MACC1: variants seen among roughly 807,000 people sequenced by gnomAD.
The protein encoded by MACC1 is metastasis-associated in colon cancer protein 1.
A neutral mutation model predicts 70.7 loss-of-function variants in MACC1; 79 were observed. The ratio of observed to expected loss-of-function variants is 1.12; its 90% CI spans 0.93 to 1.35. The LOEUF is 1.35. Ranked by LOEUF, MACC1 falls within the 40% of genes most tolerant of loss-of-function variation. The pLI is 0.00. For synonymous variants in MACC1, 361 were observed against 347.2 expected, an observed-to-expected ratio of 1.04 and a Z score of -0.44; for missense variants, 1,106 against 978.1, an observed-to-expected ratio of 1.13 and a Z score of -1.74.
intron 5 of MACC1, among the ~76,000 whole-genome samples, chr7:20,155,793 C>A (rs1782046481): frequency 6.6e-6 from 1 of 152,100 alleles, no homozygotes; most frequent in African/African-American, 2.4e-5. Context: ...CAGTGAGAAA[C>A]AATACTGAGC....
At chr7:20,188,418 T>C (rs1782622029) in intron 1 of MACC1, among the ~76,000 whole-genome samples, 1 of 152,218 alleles carries the variant, frequency 6.6e-6, no homozygotes, top group Admixed American at 6.5e-5. Flanking sequence ...TCAAAGAAGT[T>C]GTAAAAACTC....
chr7:20,166,038 G>C (rs999076242), intron 2 of MACC1, among the ~76,000 whole-genome samples: 4 of 152,156 alleles, frequency 2.6e-5, no homozygotes, highest in African/African-American at 4.8e-5. Context: ...ACACTTAAAA[G>C]AATTATTTCT....
At chr7:20,191,296 G>T (rs1342323320) in intron 1 of MACC1, among the ~76,000 whole-genome samples, 1 of 152,222 alleles carries the variant, frequency 6.6e-6, no homozygotes, top group Non-Finnish European at 1.5e-5. Flanking sequence ...GAACCCATGG[G>T]CCTACTTGCA....
intron 1 of MACC1, among the ~76,000 whole-genome samples, chr7:20,212,087 A>G (rs555320949): frequency 6.6e-6 from 1 of 152,236 alleles, no homozygotes; most frequent in African/African-American, 2.4e-5. Context: ...CACTGCAGTG[A>G]TATCGACAAA....
intron 1 of MACC1, among the ~76,000 whole-genome samples, chr7:20,213,617 T>G (rs917766589): frequency 6.6e-6 from 1 of 152,096 alleles, no homozygotes; most frequent in Non-Finnish European, 1.5e-5. Context: ...AGATCATGTA[T>G]TTTGCAGGGA....
intron 1 of MACC1, among the ~76,000 whole-genome samples, chr7:20,191,885 C>A (rs142583147): frequency 6.6e-6 from 1 of 152,230 alleles, no homozygotes; most frequent in African/African-American, 2.4e-5. Context: ...GTCTTCAATG[C>A]CAGTTTTTCT....
At position 20,156,983 on chromosome 7, in the gene MACC1, TAC is replaced by T. The variant is rs1027154068; in HGVS notation, c.2157+1219_2157+1220del. Among the ~76,000 whole-genome samples, 45 of 152,192 alleles carry T rather than the reference TAC, an allele frequency of 3.0e-4. 2 individuals are homozygous for T. The highest frequency in any genetic ancestry group is 7.2e-5 in the African/African-American group (3 of 41,450). On this transcript the variant is annotated intron_variant, in intron 5 of 6. Transcript: ENST00000400331. ...CACAGTACTTATACAAACATTTTTATACACACACACATTACTTTGTTTCATGA... is the reference window on the plus strand; with the variant it reads ...CACAGTACTTATACAAACATTTTTATACACACACATTACTTTGTTTCATGA...
At position 20,158,496 on chromosome 7, in the gene MACC1, A is replaced by G. The variant is rs1782087912; in HGVS notation, c.1865T>C (p.Val622Ala). 2 of 1,613,970 alleles carry G rather than the reference A, an allele frequency of 1.2e-6. No individual in the cohort carries two copies. The highest frequency in any genetic ancestry group is 1.3e-5 in the African/African-American group (1 of 74,922). ...KNVKVISKEQ[V>A]MFMSDSVFTT... ...AAAGACACTATCTGACATAAACATTACTTGCTCCTTTGAAATCACCTTGAC... is the reference window on the plus strand; with the variant it reads ...AAAGACACTATCTGACATAAACATTGCTTGCTCCTTTGAAATCACCTTGAC... The change falls in exon 5 of 7, where the codon GTA becomes GCA. Residue 622 changes from valine to alanine, a missense_variant. Transcript: ENST00000400331.
chr7:20,203,028 C>A (rs1246751401), intron 1 of MACC1, among the ~76,000 whole-genome samples: 1 of 152,084 alleles, frequency 6.6e-6, no homozygotes, highest in Non-Finnish European at 1.5e-5. Flanking sequence ...TTTTGTCCAC[C>A]ACTGTGCTTT....
chr7:20,193,804 G>A (rs142570063), intron 1 of MACC1, among the ~76,000 whole-genome samples: 105 of 142,176 alleles, frequency 7.4e-4, no homozygotes, highest in African/African-American at 2.5e-3. Context: ...TTTGTCTCAT[G>A]AATGGCAAAG....
At chr7:20,191,101 A>G (rs558887970) in intron 1 of MACC1, among the ~76,000 whole-genome samples, 1 of 152,294 alleles carries the variant, frequency 6.6e-6, no homozygotes, top group South Asian at 2.1e-4. Flanking sequence ...CACCTACTCT[A>G]TCACTCCGAG....
At position 20,138,152 on chromosome 7, in the gene MACC1, C is replaced by CAAAAAAAAAAAAAAAAAAAAAAAAAA. The variant is rs535703374; in HGVS notation, c.*2768_*2793dup. 5.9e-5 allele frequency: 4 copies of CAAAAAAAAAAAAAAAAAAAAAAAAAA among 67,880 alleles called. No homozygotes were observed. Among genetic ancestry groups the CAAAAAAAAAAAAAAAAAAAAAAAAAA allele is most frequent in the African/African-American group, 1.8e-4 (4 of 22,198 alleles). The allele number at this position is 67,880 out of a possible 1,614,324, so 4.2% of individuals were successfully genotyped here. ...TGGGCAACAGAGCCAGACTCTGGCT[C>CAAAAAAAAAAAAAAAAAAAAAAAAAA]AAAAAAAAAAAAAAAAAAAAAAAAA... is the stretch of plus-strand genomic sequence containing the variant. On this transcript the variant is annotated 3_prime_UTR_variant, in exon 7 of 7. Coordinates refer to ENST00000400331, the MANE Select transcript of MACC1 (RefSeq NM_182762.4).
chr7:20,182,663 G>A (rs1282686630), intron 1 of MACC1, among the ~76,000 whole-genome samples: 2 of 151,992 alleles, frequency 1.3e-5, no homozygotes, highest in Admixed American at 1.3e-4. Flanking sequence ...TCTTGCTACC[G>A]TCCAAGACCA....
intron 1 of MACC1, among the ~76,000 whole-genome samples, chr7:20,178,577 G>A (rs1396684804): frequency 1.3e-5 from 2 of 152,052 alleles, no homozygotes; most frequent in African/African-American, 2.4e-5. Flanking sequence ...TCACTATGGA[G>A]TACACCTATG....
intron 1 of MACC1, among the ~76,000 whole-genome samples, chr7:20,199,205 C>T (rs1468700113): frequency 1.3e-5 from 2 of 152,156 alleles, no homozygotes; most frequent in African/African-American, 2.4e-5. Flanking sequence ...GAGACAGACA[C>T]AGATTATGTG....
At chr7:20,145,319 T>A (rs1297037714) in intron 6 of MACC1, among the ~76,000 whole-genome samples, 1 of 152,018 alleles carries the variant, frequency 6.6e-6, no homozygotes, top group Non-Finnish European at 1.5e-5. Context: ...GAGAAGGCAG[T>A]TTCAAGAGAA....
chr7:20,150,757 A>G (rs1018114696), intron 6 of MACC1, among the ~76,000 whole-genome samples: 3 of 152,180 alleles, frequency 2.0e-5, no homozygotes, highest in African/African-American at 7.2e-5. Flanking sequence ...AATTGAAGAA[A>G]GGAAGTGAGG....
At chr7:20,202,764 T>C (rs1040607079) in intron 1 of MACC1, among the ~76,000 whole-genome samples, 4 of 152,188 alleles carry the variant, frequency 2.6e-5, no homozygotes, top group African/African-American at 9.7e-5. Context: ...TACTGAGAAA[T>C]TGAATCGTTA....
At chr7:20,181,084 G>GTA (rs1429705627) in intron 1 of MACC1, among the ~76,000 whole-genome samples, 2 of 149,488 alleles carry the variant, frequency 1.3e-5, no homozygotes, top group Non-Finnish European at 3.0e-5. Context: ...TGTGCTCTGT[G>GTA]TGTGTGTGTG....
Sources: allele counts gnomAD v4.1 joint callset (sites outside exome capture counted in the v4.1 genomes callset), GRCh38; gene constraint gnomAD v4.1.1; transcripts MANE v1.5; gene names NCBI Gene and HGNC (gene_info 2026-07-23, HGNC 2026-07-21).